Variants in TET2 observed in about 807,000 individuals in gnomAD.
The protein encoded by TET2 is methylcytosine dioxygenase TET2.
Under a neutral mutation model 142.9 loss-of-function variants are expected in TET2, and 299 were observed. The observed-to-expected ratio is 2.09, with a 90% CI of 1.90 to 2.30. The LOEUF (loss-of-function observed/expected upper bound fraction) is 2.30. TET2 is among the 30% of genes most tolerant of loss of function. The pLI is 0.00. For synonymous variants in TET2, 819 were observed against 849.0 expected, an observed-to-expected ratio of 0.96 and a Z score of 0.61; for missense variants, 2,418 against 2,378.0, an observed-to-expected ratio of 1.02 and a Z score of -0.35.
In TET2 at chr4:105,160,529, C is replaced by T. The variant is rs911122732; in HGVS notation, c.-193+13550C>T. On this transcript the variant is annotated intron_variant, in intron 1 of 10. Coordinates refer to ENST00000380013, the MANE Select transcript of TET2 (RefSeq NM_001127208.3). ...ATCATCCAAAATAGAAGCCTTCTTG[C>T]CTAACAAAGAATTGTAATTAGATCA... Among the ~76,000 whole-genome samples the T allele has an allele frequency of 4.6e-5, 7 of 152,146 alleles. No individual in the cohort carries two copies. In the East Asian group the frequency reaches 1.4e-3, roughly 29 times the overall value.
intron 1 of TET2, among the ~76,000 whole-genome samples, chr4:105,161,235 AG>A (rs1353003075): frequency 1.3e-5 from 2 of 152,242 alleles, no homozygotes; most frequent in Non-Finnish European, 2.9e-5. Flanking sequence ...ATAAAATCTA[AG>A]GATAGATATT....
chr4:105,269,092 T>C (rs762009216), intron 8 of TET2, among the ~76,000 whole-genome samples: 1 of 152,210 alleles, frequency 6.6e-6, no homozygotes, highest in Non-Finnish European at 1.5e-5. Context: ...ATATGGTCAA[T>C]TGATTTTTAA....
At position 105,216,903 on chromosome 4, in the gene TET2, A is replaced by T. The variant is rs187595913; in HGVS notation, c.-46-16994A>T. Among the ~76,000 whole-genome samples, 25 of 152,170 alleles carry T rather than the reference A, an allele frequency of 1.6e-4. No individual in the cohort carries two copies. The East Asian group carries it at 4.8e-3, about 29-fold the overall frequency. On this transcript the variant is annotated intron_variant, in intron 2 of 10. Coordinates refer to ENST00000380013, the MANE Select transcript of TET2 (RefSeq NM_001127208.3). ...GTGAATTTATGATATTTCCTAGGTA[A>T]TGTTAAGGTTATATGGAAATTTCTT... is the stretch of plus-strand genomic sequence containing the variant.
In TET2 at chr4:105,190,344, AC is replaced by A; in HGVS notation, c.-192-15del. 1 of 639,456 alleles carries A rather than the reference AC, an allele frequency of 1.6e-6. No individual in the cohort carries two copies. Among genetic ancestry groups the A allele is most frequent in the Admixed American group, 2.6e-5 (1 of 38,264 alleles). The allele number at this position is 639,456 out of a possible 1,614,324, so 39.6% of individuals were successfully genotyped here. ...TTTTTGCTAACTTAAAAATGTTCAA[AC>A]TCTGTCTTCTCTAGGCTGGCAAACA... On this transcript the variant is annotated splice_polypyrimidine_tract_variant and intron_variant, in intron 1 of 10. Transcript: ENST00000380013.
chr4:105,217,684 A>G (rs1237492904), intron 2 of TET2, among the ~76,000 whole-genome samples: 1 of 152,090 alleles, frequency 6.6e-6, no homozygotes, highest in East Asian at 1.9e-4. Context: ...TTCTTGCTTG[A>G]GCACAGAACT....
Position 105,243,557 on chromosome 4 carries a change from G to A in TET2, c.3595-13G>A, listed in dbSNP as rs1157874897. ...GGTGGGGGGTGTTTGGGATGGAATG[G>A]TGATCCACGCAGGTGGTTCGCAGAA... is the stretch of plus-strand genomic sequence containing the variant. On this transcript the variant is annotated splice_polypyrimidine_tract_variant and intron_variant, in intron 5 of 10. Transcript: ENST00000380013. 4.5e-6 allele frequency: 7 copies of A among 1,551,250 alleles called. No homozygotes were observed. Among genetic ancestry groups the A allele is most frequent in the South Asian group, 3.6e-5 (3 of 84,028 alleles).
intron 8 of TET2, among the ~76,000 whole-genome samples, chr4:105,268,961 G>C (rs1469283304): frequency 2.0e-5 from 3 of 151,830 alleles, no homozygotes; most frequent in Admixed American, 2.0e-4. Context: ...TGACAGAGTG[G>C]GACTCTGTCT....
chr4:105,218,188 T>C (rs1727606811), intron 2 of TET2, among the ~76,000 whole-genome samples: 1 of 152,112 alleles, frequency 6.6e-6, no homozygotes, highest in Non-Finnish European at 1.5e-5. Context: ...ATATTTATTT[T>C]CTAGACCTCA....
intron 8 of TET2, among the ~76,000 whole-genome samples, chr4:105,267,832 A>C (rs944691548): frequency 2.0e-5 from 3 of 152,054 alleles, no homozygotes; most frequent in Admixed American, 1.3e-4. Flanking sequence ...TTTAACATAA[A>C]AAATGATGTT....
chr4:105,249,452 G>A (rs1035237270), intron 6 of TET2, among the ~76,000 whole-genome samples: 3 of 152,032 alleles, frequency 2.0e-5, no homozygotes, highest in Non-Finnish European at 4.4e-5. Flanking sequence ...AGTTACCTTG[G>A]GATATACACC....
intron 2 of TET2, among the ~76,000 whole-genome samples, chr4:105,191,728 A>G (rs1239370571): frequency 6.6e-6 from 1 of 152,090 alleles, no homozygotes; most frequent in Non-Finnish European, 1.5e-5. Flanking sequence ...TCCTCAGTTG[A>G]ACTCCCATGA....
At chr4:105,148,459 ATTAT>A (rs1723144027) in intron 1 of TET2, among the ~76,000 whole-genome samples, 1 of 152,166 alleles carries the variant, frequency 6.6e-6, no homozygotes, top group Non-Finnish European at 1.5e-5. Context: ...TCAGTCAGGG[ATTAT>A]AATGGGAAAC....
chr4:105,257,421 T>C (rs1034188185), intron 6 of TET2, among the ~76,000 whole-genome samples: 2 of 152,222 alleles, frequency 1.3e-5, no homozygotes, highest in Non-Finnish European at 2.9e-5. Flanking sequence ...TAGATAGCCA[T>C]CGAAGTCTTT....
At chr4:105,171,271 A>G (rs1276364031) in intron 1 of TET2, 3 of 152,162 alleles carry the variant, frequency 2.0e-5, no homozygotes, top group Non-Finnish European at 2.9e-5. Context: ...ATGTAGACCA[A>G]TACTATTAAA....
intron 1 of TET2, among the ~76,000 whole-genome samples, chr4:105,169,790 C>G (rs1470155391): frequency 6.6e-6 from 1 of 152,134 alleles, no homozygotes; most frequent in East Asian, 1.9e-4. Flanking sequence ...TTTCATTCTT[C>G]TATATGTGGC....
At chr4:105,188,002 A>G (rs1368027586) in intron 1 of TET2, among the ~76,000 whole-genome samples, 5 of 152,224 alleles carry the variant, frequency 3.3e-5, no homozygotes, top group African/African-American at 1.2e-4. Flanking sequence ...TTTCGCTCTT[A>G]GGGATTCCAC....
intron 2 of TET2, among the ~76,000 whole-genome samples, chr4:105,219,465 G>A (rs1308919797): frequency 6.6e-6 from 1 of 152,104 alleles, no homozygotes; most frequent in Non-Finnish European, 1.5e-5. Flanking sequence ...ATACAGTACA[G>A]TACATAATTG....
chr4:105,163,854 A>AGAGAGAGAGAGTGTGT (rs1553942671), intron 1 of TET2, among the ~76,000 whole-genome samples: 83 of 85,210 alleles, frequency 9.7e-4, no homozygotes, highest in Non-Finnish European at 1.7e-3. Context: ...AGAGAGAGAG[A>AGAGAGAGAGAGTGTGT]GTGTGTGTGT....
intron 1 of TET2, among the ~76,000 whole-genome samples, chr4:105,175,346 A>G (rs183832568): frequency 1.6e-4 from 24 of 152,294 alleles, no homozygotes; most frequent in Non-Finnish European, 2.8e-4. Flanking sequence ...ACAAGAACAG[A>G]TGGATAATGT....
Sources: allele counts gnomAD v4.1 joint callset (sites outside exome capture counted in the v4.1 genomes callset), GRCh38; gene constraint gnomAD v4.1.1; transcripts MANE v1.5; gene names NCBI Gene and HGNC (gene_info 2026-07-23, HGNC 2026-07-21).